The following MYH10 variants were observed in gnomAD, a reference collection of about 807,000 sequenced individuals.
MYH10 encodes myosin-10.
In MYH10, 55 loss-of-function variants were observed where a neutral mutation model predicts 257.8. The observed-to-expected ratio is 0.21, with a 90% CI of 0.17 to 0.27. MYH10 has a LOEUF of 0.27. MYH10 is among the 10% of genes least tolerant of loss of function. The pLI is 1.00. For missense variants in MYH10, 1,631 were observed against 2,500.6 expected (o/e 0.65, Z 7.42); for synonymous variants, 854 against 921.7 (o/e 0.93, Z 1.33).
At chr17:8,491,598 C>CA (rs1915788436) in intron 34 of MYH10, among the ~76,000 whole-genome samples, 1 of 152,192 alleles carries the variant, frequency 6.6e-6, no homozygotes, top group African/African-American at 2.4e-5. Flanking sequence ...GTATAATGTC[C>CA]ATCTGGCAGA....
chr17:8,531,164 G>A (rs139932641), intron 16 of MYH10, among the ~76,000 whole-genome samples: 104 of 152,038 alleles, frequency 6.8e-4, no homozygotes, highest in African/African-American at 2.4e-3. Flanking sequence ...TATAATTTCC[G>A]AAAAATAATT....
intron 35 of MYH10, among the ~76,000 whole-genome samples, chr17:8,489,186 T>C (rs1180446698): frequency 2.0e-5 from 3 of 152,040 alleles, no homozygotes; most frequent in Non-Finnish European, 2.9e-5. Flanking sequence ...TTTGGCACGC[T>C]CCTCCAGCCC....
At chr17:8,558,451 G>A (rs893249857) in intron 7 of MYH10, among the ~76,000 whole-genome samples, 2 of 152,104 alleles carry the variant, frequency 1.3e-5, no homozygotes, top group African/African-American at 4.8e-5. Flanking sequence ...AAGCTAAATG[G>A]TATTTCAAAG....
rs151042629 is a variant in MYH10 at position 8,508,238 on chromosome 17, G to A, written c.3214+316C>T. On this transcript the variant is annotated intron_variant, in intron 26 of 42. Coordinates refer to ENST00000360416, the MANE Select transcript of MYH10 (RefSeq NM_001256012.3). ...TCTGCCTCAGCTTCCAAGTAGCTGG[G>A]ACTATAGATGTGCACCACTACGCCA... Among the ~76,000 whole-genome samples the A allele has an allele frequency of 2.8e-4, 42 of 152,096 alleles. No homozygotes were observed. In the East Asian group the frequency reaches 7.8e-3, roughly 28 times the overall value.
Position 8,576,672 on chromosome 17 carries a change from G to A in MYH10, c.634C>T (p.Gln212Ter). 6.4e-7 allele frequency: 1 copy of A among 1,550,664 alleles called. No homozygotes were observed. Among genetic ancestry groups the A allele is most frequent in the Non-Finnish European group, 8.7e-7 (1 of 1,146,948 alleles). ...TGTTTCACTGGTTTAGGCGATTCCT[G>A]CTGTTCATTACAAACAGACAAATGC... ...HKGRKDHNIP[Q>*]ESPKPVKHQG... Residue 212 changes from glutamine to a stop codon, truncating the protein, a stop_gained and splice_region_variant, in exon 6 of 43, where the codon CAG becomes TAG. Transcript: ENST00000360416. LOFTEE classifies it high-confidence loss of function.
intron 13 of MYH10, among the ~76,000 whole-genome samples, chr17:8,543,344 T>G (rs1286739430): frequency 1.3e-5 from 2 of 152,178 alleles, no homozygotes; most frequent in African/African-American, 4.8e-5. Context: ...CAACACTGTA[T>G]TTCTGGCACG....
At chr17:8,514,952 G>A (rs1254487818) in intron 21 of MYH10, among the ~76,000 whole-genome samples, 1 of 152,098 alleles carries the variant, frequency 6.6e-6, no homozygotes, top group Non-Finnish European at 1.5e-5. Flanking sequence ...GCACCAGAAC[G>A]GCCTCCGAGT....
At chr17:8,581,253 G>C (rs1003318953) in intron 4 of MYH10, among the ~76,000 whole-genome samples, 1 of 152,126 alleles carries the variant, frequency 6.6e-6, no homozygotes, top group Non-Finnish European at 1.5e-5. Flanking sequence ...TGGTCTCTCT[G>C]TTCTGTTCTT....
chr17:8,548,881 G>A, intron 9 of MYH10, 94 bp from the exon 10 acceptor site: 1 of 1,092,032 alleles, frequency 9.2e-7, no homozygotes, highest in Non-Finnish European at 1.3e-6. Flanking sequence ...TCACAGGAGA[G>A]CAGTGGTCAC....
chr17:8,613,671 G>T (rs971947996), intron 2 of MYH10, among the ~76,000 whole-genome samples: 2 of 152,130 alleles, frequency 1.3e-5, no homozygotes, highest in African/African-American at 4.8e-5. Context: ...CATAGAGCGG[G>T]TAGGATAAAA....
chr17:8,581,997 C>T (rs909403108), intron 4 of MYH10, among the ~76,000 whole-genome samples: 5 of 152,074 alleles, frequency 3.3e-5, no homozygotes, highest in African/African-American at 7.2e-5. Flanking sequence ...TGAGATAATG[C>T]GGGAAAGGGC....
chr17:8,511,029 T>TATATAC (rs2081257854), intron 24 of MYH10: 1 of 4,564 alleles, frequency 2.2e-4, no homozygotes, highest in African/African-American at 2.6e-4. Context: ...TATATATATA[T>TATATAC]ATATATATAT....
At chr17:8,595,425 CTTTTTTTTTTTTTTTT>C (rs10664342) in intron 3 of MYH10, among the ~76,000 whole-genome samples, 1 of 84,212 alleles carries the variant, frequency 1.2e-5, no homozygotes, top group Non-Finnish European at 2.1e-5. Context: ...AAGAACAGTT[CTTTTTTTTTTTTTTTT>C]TTTTTTTTGA....
intron 16 of MYH10, among the ~76,000 whole-genome samples, chr17:8,534,022 G>A (rs899547482): frequency 4.6e-5 from 7 of 152,046 alleles, no homozygotes; most frequent in African/African-American, 1.5e-4. Context: ...TGTAGACCCC[G>A]TAACAACAAC....
intron 8 of MYH10, 173 bp downstream of exon 8, chr17:8,553,782 A>T (rs2082711422): frequency 3.6e-6 from 2 of 549,352 alleles, no homozygotes; most frequent in Non-Finnish European, 3.3e-6. Flanking sequence ...CAAACAACAA[A>T]ACAACTTGGA....
intron 2 of MYH10, among the ~76,000 whole-genome samples, chr17:8,608,800 T>C (rs2084906985): frequency 6.6e-6 from 1 of 151,966 alleles, no homozygotes; most frequent in Non-Finnish European, 1.5e-5. Context: ...CCTCTGTCTA[T>C]GATTGGGAAA....
At position 8,475,614 on chromosome 17, in the gene MYH10, A is replaced by G. The variant is rs961; in HGVS notation, c.*190T>C. 0.41 allele frequency: 251,193 copies of G among 608,604 alleles called. 52,329 individuals are homozygous for G. Among genetic ancestry groups the G allele is most frequent in the South Asian group, 0.45 (21,135 of 47,180 alleles). The allele number at this position is 608,604 out of a possible 1,614,324, so 37.7% of individuals were successfully genotyped here. On this transcript the variant is annotated 3_prime_UTR_variant, in exon 43 of 43. Transcript: ENST00000360416. ...TAATATATGTGTCCTGTGTGTGTCTATATATAAAAAGGGGAGCAATTGTAC... is the reference window on the plus strand; with the variant it reads ...TAATATATGTGTCCTGTGTGTGTCTGTATATAAAAAGGGGAGCAATTGTAC...
chr17:8,591,649 G>A (rs564384584), intron 3 of MYH10, among the ~76,000 whole-genome samples: 2 of 152,152 alleles, frequency 1.3e-5, no homozygotes, highest in Non-Finnish European at 2.9e-5. Flanking sequence ...AAATCGAATT[G>A]CCTCCTAATT....
Position 8,530,609 on chromosome 17 carries a change from C to T in MYH10, c.1957+14G>A, listed in dbSNP as rs533934431. ...CCTTCTGTTTTGGAAGACCTACAGG[C>T]TTTATACATTCACCTGGTGGCTCAT... On this transcript the variant is annotated intron_variant, in intron 17 of 42. Coordinates refer to ENST00000360416, the MANE Select transcript of MYH10 (RefSeq NM_001256012.3). 1 of 1,511,840 alleles carries T rather than the reference C, an allele frequency of 6.6e-7. No homozygotes were observed. The highest frequency in any genetic ancestry group is 8.9e-7 in the Non-Finnish European group (1 of 1,122,528). The allele number at this position is 1,511,840 out of a possible 1,614,324, so 93.7% of individuals were successfully genotyped here.
Sources: gnomAD v4.1 joint callset for allele counts (sites outside exome capture counted in the v4.1 genomes callset) on GRCh38, gnomAD v4.1.1 for gene constraint, MANE v1.5 for transcripts, NCBI Gene and HGNC (gene_info 2026-07-23, HGNC 2026-07-21) for gene names.